Variants in USP12 observed in about 807,000 individuals in gnomAD.
The protein encoded by USP12 is ubiquitin carboxyl-terminal hydrolase 12.
USP12 carries 19 observed loss-of-function variants against 45.5 expected under a neutral mutation model. The ratio of observed to expected loss-of-function variants is 0.42; its 90% CI spans 0.29 to 0.61. The LOEUF (loss-of-function observed/expected upper bound fraction) is 0.61, where lower values mean the gene tolerates loss of function less well. Ranked by LOEUF, USP12 falls within the 20% of genes least tolerant of loss-of-function variation. The pLI is 0.22. For missense variants in USP12, 242 were observed against 447.7 expected (o/e 0.54, Z 4.15); for synonymous variants, 149 against 148.8 (o/e 1.00, Z -0.01).
At chr13:27,110,462 C>G (rs924581053) in intron 2 of USP12, among the ~76,000 whole-genome samples, 5 of 152,132 alleles carry the variant, frequency 3.3e-5, no homozygotes, top group African/African-American at 1.2e-4. Context: ...AATAAGATCC[C>G]TCTGCCCCAC....
chr13:27,088,279 G>A (rs1319262424), intron 6 of USP12, among the ~76,000 whole-genome samples: 9 of 152,056 alleles, frequency 5.9e-5, no homozygotes, highest in Admixed American at 5.2e-4. Flanking sequence ...AGCCGGGCGT[G>A]GTGGCGGGCG....
At chr13:27,156,487 G>C (rs1234923554) in intron 1 of USP12, among the ~76,000 whole-genome samples, 1 of 152,144 alleles carries the variant, frequency 6.6e-6, no homozygotes, top group Non-Finnish European at 1.5e-5. Context: ...AGACAATCAG[G>C]TAATTTCAAC....
At chr13:27,154,327 CCT>C (rs10578545) in intron 1 of USP12, among the ~76,000 whole-genome samples, 72,888 of 151,912 alleles carry the variant, frequency 0.48, 18,816 homozygotes, top group South Asian at 0.77. Context: ...ATTTTTGTAA[CCT>C]CTCATGCTAC....
At chr13:27,163,761 C>A (rs1203800054) in intron 1 of USP12, among the ~76,000 whole-genome samples, 23 of 118,704 alleles carry the variant, frequency 1.9e-4, no homozygotes, top group African/African-American at 6.9e-4. Flanking sequence ...TAGAGCAAGA[C>A]CTGTCTTAAA....
chr13:27,171,715 G>C lies in USP12; in HGVS notation c.-76C>G, dbSNP rs1454127571. Reference sequence around the variant, plus strand: ...AGGAGGGGAGCCGGGCCGCCCGCTCGCACCGCAGCCCGCGGGCGGACCCCG... The same window carrying C: ...AGGAGGGGAGCCGGGCCGCCCGCTCCCACCGCAGCCCGCGGGCGGACCCCG... On this transcript the variant is annotated 5_prime_UTR_variant, in exon 1 of 9. Coordinates refer to ENST00000282344, the MANE Select transcript of USP12 (RefSeq NM_182488.4). 2.0e-6 allele frequency: 2 copies of C among 999,322 alleles called. No individual in the cohort carries two copies. The highest frequency in any genetic ancestry group is 2.5e-6 in the Non-Finnish European group (2 of 793,706). The allele number at this position is 999,322 out of a possible 1,614,324, so 61.9% of individuals were successfully genotyped here.
In USP12 at chr13:27,075,124, C is replaced by T. The variant is rs371701380; in HGVS notation, c.932+67G>A. Reference sequence around the variant, plus strand: ...GTTCTATATATGAATAATTCATGAACATCTTGAATGTACCCTGCTCTTCTA... The same window carrying T: ...GTTCTATATATGAATAATTCATGAATATCTTGAATGTACCCTGCTCTTCTA... On this transcript the variant is annotated intron_variant, in intron 7 of 8. Coordinates refer to ENST00000282344, the MANE Select transcript of USP12 (RefSeq NM_182488.4). 140 of 1,469,310 alleles carry T rather than the reference C, an allele frequency of 9.5e-5. 2 individuals carry two copies. The East Asian group carries it at 1.2e-3, about 13-fold the overall frequency. The allele number at this position is 1,469,310 out of a possible 1,614,324, so 91.0% of individuals were successfully genotyped here. A position where few individuals can be genotyped will look rare whatever the true frequency, so the allele number is the denominator to read the frequency against.
At chr13:27,133,560 C>T (rs138191896) in intron 1 of USP12, among the ~76,000 whole-genome samples, 6 of 147,498 alleles carry the variant, frequency 4.1e-5, no homozygotes, top group African/African-American at 1.0e-4. Context: ...CCTGGGAGGG[C>T]GGAGCTTGCA....
At chr13:27,138,228 T>C (rs1876896679) in intron 1 of USP12, among the ~76,000 whole-genome samples, 1 of 152,202 alleles carries the variant, frequency 6.6e-6, no homozygotes, top group Admixed American at 6.5e-5. Flanking sequence ...CATTTAACTA[T>C]AAACTTTTGC....
At chr13:27,108,988 A>C (rs914426721) in intron 2 of USP12, among the ~76,000 whole-genome samples, 27 of 152,160 alleles carry the variant, frequency 1.8e-4, no homozygotes, top group African/African-American at 6.0e-4. Context: ...ACATAATGAC[A>C]TTTTTTTAAA....
intron 1 of USP12, among the ~76,000 whole-genome samples, chr13:27,170,895 G>A (rs912081361): frequency 2.0e-5 from 3 of 152,244 alleles, no homozygotes; most frequent in Non-Finnish European, 4.4e-5. Context: ...GCCTCTCAGA[G>A]GAGAAAATGG....
At chr13:27,090,050 T>C (rs1349671932) in intron 5 of USP12, 32 bp downstream of exon 5, 1 of 1,573,848 alleles carries the variant, frequency 6.4e-7, no homozygotes, top group Non-Finnish European at 8.7e-7. Flanking sequence ...AAAATAATTA[T>C]TAAATTTCAA....
At chr13:27,072,463 T>G (rs1873290739) in intron 7 of USP12, among the ~76,000 whole-genome samples, 1 of 152,128 alleles carries the variant, frequency 6.6e-6, no homozygotes, top group African/African-American at 2.4e-5. Flanking sequence ...CTAAGGAAGT[T>G]GTTTCTTAGG....
At chr13:27,123,280 T>C (rs560143008) in intron 1 of USP12, among the ~76,000 whole-genome samples, 105 of 152,262 alleles carry the variant, frequency 6.9e-4, no homozygotes, top group African/African-American at 2.5e-3. Context: ...CAGACCTCAG[T>C]TTCCTCAGAT....
intron 4 of USP12, among the ~76,000 whole-genome samples, chr13:27,094,070 T>A (rs544011131): frequency 1.3e-5 from 2 of 151,524 alleles, no homozygotes; most frequent in South Asian, 4.2e-4. Flanking sequence ...ACTGTCACAG[T>A]AAAGATGAGA....
chr13:27,148,414 G>A (rs929187370), intron 1 of USP12, among the ~76,000 whole-genome samples: 8 of 151,492 alleles, frequency 5.3e-5, no homozygotes, highest in African/African-American at 1.9e-4. Context: ...GGTGACTCAC[G>A]CCTGTAATGC....
intron 1 of USP12, among the ~76,000 whole-genome samples, chr13:27,124,947 G>C (rs1876157674): frequency 6.6e-6 from 1 of 152,166 alleles, no homozygotes; most frequent in African/African-American, 2.4e-5. Flanking sequence ...GAGTATCAAA[G>C]TAGTAGGCCT....
intron 1 of USP12, among the ~76,000 whole-genome samples, chr13:27,122,353 T>C (rs978263455): frequency 7.9e-5 from 12 of 152,184 alleles, no homozygotes; most frequent in African/African-American, 2.9e-4. Context: ...AAGAAGTGCC[T>C]TTCACCTCCT....
intron 6 of USP12, chr13:27,077,867 G>A (rs1219433593): frequency 6.6e-6 from 1 of 151,958 alleles, no homozygotes; most frequent in Non-Finnish European, 1.5e-5. Flanking sequence ...TTGTGGGGAG[G>A]GAGGTTACAT....
intron 3 of USP12, among the ~76,000 whole-genome samples, chr13:27,104,990 A>C (rs1875059605): frequency 1.3e-5 from 2 of 152,226 alleles, no homozygotes; most frequent in African/African-American, 4.8e-5. Flanking sequence ...CATTAGATAG[A>C]ACACTGGGCT....
Sources: gnomAD v4.1 joint callset for allele counts (sites outside exome capture counted in the v4.1 genomes callset) on GRCh38, gnomAD v4.1.1 for gene constraint, MANE v1.5 for transcripts, NCBI Gene and HGNC (gene_info 2026-07-23, HGNC 2026-07-21) for gene names.